Variants in ZNF521 observed in about 807,000 individuals in gnomAD.
The protein encoded by ZNF521 is zinc finger protein 521, also known as LYST-interacting protein 3.
A neutral mutation model predicts 105.5 loss-of-function variants in ZNF521; 14 were observed. The observed-to-expected ratio is 0.13, with a 90% CI of 0.09 to 0.21. The LOEUF is 0.21. Among genes scored for constraint, ZNF521 ranks in the 10% least tolerant of loss-of-function variants. ZNF521 has a pLI of 1.00. For missense variants in ZNF521, 1,233 were observed against 1,629.7 expected, an observed-to-expected ratio of 0.76 and a Z score of 4.19; for synonymous variants, 635 against 606.0, an observed-to-expected ratio of 1.05 and a Z score of -0.70.
intron 6 of ZNF521, among the ~76,000 whole-genome samples, chr18:25,091,401 G>T (rs1019228412): frequency 1.3e-5 from 2 of 151,962 alleles, no homozygotes; most frequent in South Asian, 2.1e-4. Context: ...AAAAGTATAA[G>T]TGTAGATCAA....
rs759916272 is a variant in ZNF521 at position 25,225,344 on chromosome 18, C to T, written c.2574G>A (p.Leu858=). The part of the protein sequence containing the change: ...SEQVQKEEVE[L]QTLLTNSQES... ...CCTGGCTGTTGGTCAGCAAAGTCTG[C>T]AGCTCCACTTCCTCTTTCTGCACTT... is the stretch of plus-strand genomic sequence containing the variant. Residue 858 remains leucine, a synonymous_variant, in exon 4 of 8, where the codon CTG becomes CTA. Transcript: ENST00000361524. The surrounding 1 kb of genome is among the most constrained non-coding windows in gnomAD (Gnocchi z 5.6). The T allele has an allele frequency of 6.2e-7, 1 of 1,614,210 alleles. No individual in the cohort carries two copies. Among genetic ancestry groups the T allele is most frequent in the South Asian group, 1.1e-5 (1 of 91,082 alleles).
At chr18:25,093,494 G>C (rs1278958187) in intron 5 of ZNF521, among the ~76,000 whole-genome samples, 1 of 152,194 alleles carries the variant, frequency 6.6e-6, no homozygotes, top group East Asian at 1.9e-4. Flanking sequence ...TCCTCTGCCA[G>C]CTGATATTAC....
intron 5 of ZNF521, among the ~76,000 whole-genome samples, chr18:25,161,768 A>C (rs1292460876): frequency 1.3e-5 from 2 of 152,192 alleles, no homozygotes; most frequent in Non-Finnish European, 2.9e-5. Context: ...TACAGAGAGT[A>C]GGTTAAGCAC....
chr18:25,255,959 ATC>A (rs921058952), intron 3 of ZNF521, among the ~76,000 whole-genome samples: 2 of 146,366 alleles, frequency 1.4e-5, no homozygotes, highest in African/African-American at 5.0e-5. Context: ...ATATATATAT[ATC>A]GTATATATAT....
chr18:25,129,734 G>C (rs150868325), intron 5 of ZNF521, among the ~76,000 whole-genome samples: 4 of 152,094 alleles, frequency 2.6e-5, no homozygotes, highest in Admixed American at 6.5e-5. Flanking sequence ...TACATAAAAA[G>C]ATGCTCTGCA....
rs769986187 is a variant in ZNF521 at position 25,224,366 on chromosome 18, G to A, written c.3552C>T (p.Ile1184=). 3.7e-6 allele frequency: 6 copies of A among 1,612,832 alleles called. No homozygotes were observed. The African/African-American group carries it at 8.0e-5, about 22-fold the overall frequency. ...TTACCTCATCCGACTGGGAGGGACT[G>A]ATTCTGGGCATTGGTGATACTTGGG... ...KTPQVSPMPR[I]SPSQSDEKKT... Residue 1184 remains isoleucine, a synonymous_variant, in exon 4 of 8, where the codon ATC becomes ATT. Transcript: ENST00000361524.
At chr18:25,121,975 G>GA (rs2034452445) in intron 5 of ZNF521, among the ~76,000 whole-genome samples, 1 of 152,000 alleles carries the variant, frequency 6.6e-6, no homozygotes, top group South Asian at 2.1e-4. Context: ...ATAGGGCAAA[G>GA]CAAAAAATCA....
chr18:25,159,479 T>C (rs778942659), intron 5 of ZNF521, among the ~76,000 whole-genome samples: 28 of 151,866 alleles, frequency 1.8e-4, no homozygotes, highest in Non-Finnish European at 2.4e-4. Context: ...AACAGGAGTG[T>C]TGCTTTCTGC....
At chr18:25,266,142 T>C (rs1449615498) in intron 3 of ZNF521, among the ~76,000 whole-genome samples, 2 of 152,190 alleles carry the variant, frequency 1.3e-5, no homozygotes, top group Non-Finnish European at 2.9e-5. Context: ...AGGGTGACTA[T>C]AGTCAATAAA....
intron 5 of ZNF521, among the ~76,000 whole-genome samples, chr18:25,143,154 T>C (rs908408154): frequency 2.0e-5 from 3 of 152,048 alleles, no homozygotes; most frequent in African/African-American, 7.3e-5. Flanking sequence ...ATTTTCTACA[T>C]TTATACTCTT....
At chr18:25,347,426 G>A (rs1490921041) in intron 2 of ZNF521, among the ~76,000 whole-genome samples, 1 of 152,176 alleles carries the variant, frequency 6.6e-6, no homozygotes, top group Non-Finnish European at 1.5e-5. Flanking sequence ...AGGCAGGAGG[G>A]GTAAAGGAGT....
intron 2 of ZNF521, among the ~76,000 whole-genome samples, chr18:25,343,574 T>G (rs774284048): frequency 1.3e-5 from 2 of 152,196 alleles, no homozygotes; most frequent in Admixed American, 6.5e-5. Flanking sequence ...AAAACAAATA[T>G]TCTGAATGTC....
chr18:25,269,448 C>T (rs914095464), intron 3 of ZNF521, among the ~76,000 whole-genome samples: 5 of 152,174 alleles, frequency 3.3e-5, no homozygotes, highest in African/African-American at 9.7e-5. Flanking sequence ...ACCTAATAGA[C>T]ATCTACAGAA....
At chr18:25,131,332 A>G (rs143520544) in intron 5 of ZNF521, among the ~76,000 whole-genome samples, 9 of 152,302 alleles carry the variant, frequency 5.9e-5, no homozygotes, top group African/African-American at 1.9e-4. Flanking sequence ...TCCACCCTGG[A>G]TCATTTCATT....
chr18:25,154,344 A>T (rs1265528798), intron 5 of ZNF521, among the ~76,000 whole-genome samples: 3 of 152,206 alleles, frequency 2.0e-5, no homozygotes, highest in African/African-American at 7.2e-5. Context: ...GGTTTATACA[A>T]GTTGGCCAAC....
At chr18:25,253,714 T>C (rs537639065) in intron 3 of ZNF521, among the ~76,000 whole-genome samples, 96 of 152,220 alleles carry the variant, frequency 6.3e-4, no homozygotes, top group African/African-American at 2.2e-3. Context: ...ATTTGGATAA[T>C]AAAAAATATG....
intron 2 of ZNF521, among the ~76,000 whole-genome samples, chr18:25,350,260 A>AGAAGTAGGGGCGG (rs1914672454): frequency 6.6e-6 from 1 of 151,918 alleles, no homozygotes; most frequent in African/African-American, 2.4e-5. Context: ...AGTAGGGGCG[A>AGAAGTAGGGGCGG]GGGGCGGTCA....
chr18:25,242,665 G>A (rs1907418333), intron 3 of ZNF521, among the ~76,000 whole-genome samples: 1 of 152,156 alleles, frequency 6.6e-6, no homozygotes, highest in African/African-American at 2.4e-5. Flanking sequence ...GCCTGTTTTT[G>A]AACATATTTT....
chr18:25,223,622 A>G (rs1368158362), intron 4 of ZNF521, among the ~76,000 whole-genome samples: 1 of 151,702 alleles, frequency 6.6e-6, no homozygotes, highest in Non-Finnish European at 1.5e-5. Context: ...AAATGATTTC[A>G]TTATAAATGA....
Sources: allele counts gnomAD v4.1 joint callset (sites outside exome capture counted in the v4.1 genomes callset), GRCh38; gene constraint gnomAD v4.1.1; non-coding constraint Gnocchi (gnomAD v3.1); transcripts MANE v1.5; gene names NCBI Gene and HGNC (gene_info 2026-07-23, HGNC 2026-07-21).